The following MAGT1 variants were observed in gnomAD, a reference collection of about 807,000 sequenced individuals.
MAGT1 encodes magnesium transporter 1.
A neutral mutation model predicts 28.4 loss-of-function variants in MAGT1; 4 were observed. That is an observed-to-expected ratio of 0.14 (90% CI 0.07 to 0.32). MAGT1 has a LOEUF of 0.32. Among genes scored for constraint, MAGT1 ranks in the 10% least tolerant of loss-of-function variants. The pLI, the probability that MAGT1 is intolerant of heterozygous loss-of-function variation, is 1.00. For missense variants in MAGT1, 193 were observed against 264.5 expected (o/e 0.73, Z 1.88); for synonymous variants, 89 against 89.7 (o/e 0.99, Z 0.04).
intron 1 of MAGT1, among the ~76,000 whole-genome samples, chrX:77,888,774 G>A (rs192580766): frequency 1.2e-3 from 134 of 110,620 alleles, no homozygotes; most frequent in African/African-American, 2.9e-3. Flanking sequence ...CCAAAAGCAT[G>A]TTTCTTAAAA....
chrX:77,834,871 A>G (rs1337749648), intron 8 of MAGT1, among the ~76,000 whole-genome samples: 1 of 111,081 alleles, frequency 9.0e-6, no homozygotes, highest in Non-Finnish European at 1.9e-5. Flanking sequence ...TACCCATGTG[A>G]CAAGGGGTTA....
rs1353104470 is a variant in MAGT1, at chrX:77,826,913, C to T, written c.*2307G>A. Reference sequence around the variant, plus strand: ...GCTCCATTAAAAAGTAAAAGGTCAACCATATCCCCTCATCCATGAAATCTA... The same window carrying T: ...GCTCCATTAAAAAGTAAAAGGTCAATCATATCCCCTCATCCATGAAATCTA... On this transcript the variant is annotated 3_prime_UTR_variant, in exon 10 of 10. Transcript: ENST00000618282. The T allele has an allele frequency of 9.0e-6, 1 of 111,496 alleles. No individual in the cohort carries two copies. The highest frequency in any genetic ancestry group is 1.9e-5 in the Non-Finnish European group (1 of 53,112). 9.2% of individuals were successfully genotyped at this position (111,496 alleles called of 1,213,427 possible). A position where few individuals can be genotyped will look rare whatever the true frequency, so the allele number is the denominator to read the frequency against.
In MAGT1 at chrX:77,875,454, T is replaced by C. The variant is rs1258931607; in HGVS notation, c.246A>G (p.Gln82=). Residue 82 remains glutamine (Q), a synonymous_variant, in exon 2 of 10, where the codon CAA becomes CAG. Transcript: ENST00000618282. ...TGCAAACGACACACTGTCTATGCAG[T>C]TGGAGAGCAGTGAACATGACGATAA... ...YSVIVMFTAL[Q]LHRQCVVCKQ... 5.8e-6 allele frequency: 7 copies of C among 1,207,937 alleles called. No individual in the cohort carries two copies. The highest frequency in any genetic ancestry group is 7.8e-6 in the Non-Finnish European group (7 of 894,755).
intron 8 of MAGT1, among the ~76,000 whole-genome samples, chrX:77,836,579 T>C (rs2076919139): frequency 8.9e-6 from 1 of 112,139 alleles, no homozygotes. Context: ...ATGCTGAGTG[T>C]AGACAAGTTA....
intron 8 of MAGT1, chrX:77,837,381 G>A (rs1438276074): frequency 8.9e-6 from 1 of 111,764 alleles, no homozygotes; most frequent in Non-Finnish European, 1.9e-5. Context: ...AATTCGTGAA[G>A]TGTTCCATAT....
intron 8 of MAGT1, among the ~76,000 whole-genome samples, chrX:77,834,951 T>C (rs1282651788): frequency 5.6e-5 from 6 of 106,818 alleles, no homozygotes; most frequent in African/African-American, 2.0e-4. Context: ...CGAAAAAACA[T>C]AAAATCTTTT....
At chrX:77,890,240 T>C (rs1424410295) in intron 1 of MAGT1, among the ~76,000 whole-genome samples, 1 of 112,302 alleles carries the variant, frequency 8.9e-6, no homozygotes, top group Non-Finnish European at 1.9e-5. Flanking sequence ...CAGATGTTAG[T>C]ATGAAGTAGA....
chrX:77,857,952 A>G (rs2076985454), intron 3 of MAGT1, among the ~76,000 whole-genome samples: 1 of 111,604 alleles, frequency 9.0e-6, no homozygotes, highest in Admixed American at 9.6e-5. Flanking sequence ...CTATATGCAG[A>G]AATAGTCTAT....
At chrX:77,853,844 C>A (rs2076974881) in intron 7 of MAGT1, 57 bp downstream of exon 7, 1 of 977,282 alleles carries the variant, frequency 1.0e-6, no homozygotes, top group Non-Finnish European at 1.5e-6. Context: ...AGAGAGAATA[C>A]TAGACTGTGA....
intron 7 of MAGT1, among the ~76,000 whole-genome samples, chrX:77,845,293 G>GTAGA (rs1462403231): frequency 9.0e-6 from 1 of 111,097 alleles, no homozygotes; most frequent in Non-Finnish European, 1.9e-5. Flanking sequence ...CATTTGCTTG[G>GTAGA]TAGATCTTCC....
intron 6 of MAGT1, among the ~76,000 whole-genome samples, chrX:77,854,320 T>C (rs1019447211): frequency 1.3e-4 from 14 of 110,214 alleles, no homozygotes; most frequent in African/African-American, 3.6e-4. Flanking sequence ...ACTACAAGTA[T>C]GCACCACCAT....
At chrX:77,883,920 T>C (rs1557218751) in intron 1 of MAGT1, among the ~76,000 whole-genome samples, 2 of 110,084 alleles carry the variant, frequency 1.8e-5, no homozygotes, top group Non-Finnish European at 3.8e-5. Context: ...AGGCTGGGAG[T>C]GGTGGCTCAT....
At chrX:77,892,527 T>G (rs781978934) in intron 1 of MAGT1, among the ~76,000 whole-genome samples, 2 of 111,782 alleles carry the variant, frequency 1.8e-5, no homozygotes, top group Non-Finnish European at 3.8e-5. Flanking sequence ...CTGAACACAG[T>G]GGCTCATGCC....
At chrX:77,865,619 CA>C (rs2077006794) in intron 3 of MAGT1, among the ~76,000 whole-genome samples, 1 of 110,994 alleles carries the variant, frequency 9.0e-6, no homozygotes, top group African/African-American at 3.3e-5. Context: ...GGGAGACTGT[CA>C]AACAACTACA....
At position 77,867,409 on chromosome X, in the gene MAGT1, A is replaced by G. The variant is rs190073480; in HGVS notation, c.390+3399T>C. Reference sequence around the variant, plus strand: ...ACGATCACAGCTCACTGCAGCCTCAAACTGATCTCAAGCAATCCTCCTGAT... The same window carrying G: ...ACGATCACAGCTCACTGCAGCCTCAGACTGATCTCAAGCAATCCTCCTGAT... On this transcript the variant is annotated intron_variant, in intron 3 of 9. Transcript: ENST00000618282. Among the ~76,000 whole-genome samples the G allele has an allele frequency of 1.2e-4, 8 of 67,091 alleles. 3 individuals are homozygous for G. The East Asian group carries it at 3.7e-3, about 31-fold the overall frequency. The allele number at this position is 67,091 out of a possible 115,157, so 58.3% of individuals were successfully genotyped here.
intron 7 of MAGT1, among the ~76,000 whole-genome samples, chrX:77,853,191 G>A (rs782162701): frequency 8.9e-6 from 1 of 111,930 alleles, no homozygotes; most frequent in Admixed American, 9.6e-5. Context: ...CAAACATAAA[G>A]CAGCTGCAAA....
At chrX:77,852,055 C>T (rs899190913) in intron 7 of MAGT1, among the ~76,000 whole-genome samples, 20 of 108,935 alleles carry the variant, frequency 1.8e-4, no homozygotes, top group South Asian at 7.9e-4. Flanking sequence ...CCCGCCACCA[C>T]GCTCAGCTAA....
rs1557216915 is a variant in MAGT1 at position 77,866,282 on chromosome X, T to C, written c.390+4526A>G. Among the ~76,000 whole-genome samples the C allele has an allele frequency of 4.0e-4, 27 of 67,018 alleles. 5 individuals are homozygous for C. Among genetic ancestry groups the C allele is most frequent in the Non-Finnish European group, 4.0e-5 (1 of 24,726 alleles). The allele number at this position is 67,018 out of a possible 115,157, so 58.2% of individuals were successfully genotyped here. A position where few individuals can be genotyped will look rare whatever the true frequency, so the allele number is the denominator to read the frequency against. On this transcript the variant is annotated intron_variant, in intron 3 of 9. Transcript: ENST00000618282. ...CACTACTCCTTTCAAAAGTGTGTTC[T>C]ATGGAATCTAGCCAAATGCTCCATT...
Position 77,826,428 on chromosome X carries a change from C to T in MAGT1, c.*2792G>A, listed in dbSNP as rs1253564981. 8.9e-6 allele frequency: 1 copy of T among 112,111 alleles called. No homozygotes were observed. The highest frequency in any genetic ancestry group is 1.9e-5 in the Non-Finnish European group (1 of 53,109). 9.2% of individuals were successfully genotyped at this position (112,111 alleles called of 1,213,427 possible). A position where few individuals can be genotyped will look rare whatever the true frequency, so the allele number is the denominator to read the frequency against. ...ACAGCCAGACATTTGGTTATCTTTG[C>T]CACTACAATGTGTCATTCTGAACTG... On this transcript the variant is annotated 3_prime_UTR_variant, in exon 10 of 10. Coordinates refer to ENST00000618282, the MANE Select transcript of MAGT1 (RefSeq NM_001367916.1).
Sources: allele counts gnomAD v4.1 joint callset (sites outside exome capture counted in the v4.1 genomes callset), GRCh38; gene constraint gnomAD v4.1.1; transcripts MANE v1.5; gene names NCBI Gene and HGNC (gene_info 2026-07-23, HGNC 2026-07-21).